Variants in SLC35F4 observed in about 807,000 individuals in gnomAD.
SLC35F4 encodes the protein solute carrier family 35 member F4.
SLC35F4 carries 24 observed loss-of-function variants against 44.2 expected under a neutral mutation model. That is an observed-to-expected ratio of 0.54 (90% CI 0.39 to 0.76). The LOEUF is 0.76. SLC35F4 is among the 30% of genes least tolerant of loss of function. The pLI is 0.00. For synonymous variants in SLC35F4, 238 were observed against 223.6 expected, an observed-to-expected ratio of 1.06 and a Z score of -0.57; for missense variants, 562 against 586.1, an observed-to-expected ratio of 0.96 and a Z score of 0.42.
chr14:57,866,019 GC>G lies in SLC35F4; in HGVS notation c.-195del. On this transcript the variant is annotated 5_prime_UTR_variant, in exon 1 of 8. Transcript: ENST00000556826. ...CGGCGGCGGCGGCGGCGGCGGAGCG[GC>G]CCCCACTCGGGCCGGCCTCTCCGTC... The G allele has an allele frequency of 6.0e-6, 2 of 332,248 alleles. No homozygotes were observed. The highest frequency in any genetic ancestry group is 5.3e-6 in the Non-Finnish European group (1 of 188,672). The allele number at this position is 332,248 out of a possible 1,614,324, so 20.6% of individuals were successfully genotyped here. A position where few individuals can be genotyped will look rare whatever the true frequency, so the allele number is the denominator to read the frequency against.
intron 1 of SLC35F4, among the ~76,000 whole-genome samples, chr14:57,674,935 C>T (rs774740594): frequency 6.6e-6 from 1 of 152,096 alleles, no homozygotes; most frequent in Non-Finnish European, 1.5e-5. Flanking sequence ...ATTCCAAAAC[C>T]GCTAGCTAAT....
At chr14:57,785,849 G>T (rs1024106885) in intron 1 of SLC35F4, among the ~76,000 whole-genome samples, 1 of 152,142 alleles carries the variant, frequency 6.6e-6, no homozygotes, top group Non-Finnish European at 1.5e-5. Flanking sequence ...GCAGGGGTAA[G>T]ACTCTGCAGG....
chr14:57,927,115 C>T (rs561755678), intron 1 of SLC35F4, among the ~76,000 whole-genome samples: 1 of 152,332 alleles, frequency 6.6e-6, no homozygotes, highest in Admixed American at 6.5e-5. Flanking sequence ...CCCACTGACA[C>T]TACATGAAGG....
At chr14:57,819,365 A>T (rs1882927229) in intron 1 of SLC35F4, among the ~76,000 whole-genome samples, 1 of 152,156 alleles carries the variant, frequency 6.6e-6, no homozygotes, top group African/African-American at 2.4e-5. Flanking sequence ...TTTAACAATA[A>T]GGAGAATCTC....
At chr14:57,741,380 T>C (rs2076603083) in intron 1 of SLC35F4, among the ~76,000 whole-genome samples, 1 of 152,002 alleles carries the variant, frequency 6.6e-6, no homozygotes, top group Non-Finnish European at 1.5e-5. Context: ...ATAAACAGCC[T>C]AGAGAAGACC....
chr14:57,660,705 G>A (rs992414384), intron 1 of SLC35F4, among the ~76,000 whole-genome samples: 1 of 152,102 alleles, frequency 6.6e-6, no homozygotes, highest in Non-Finnish European at 1.5e-5. Context: ...GGGGAAGCCA[G>A]CTGTCATATT....
chr14:57,862,865 G>A (rs1019832320), intron 1 of SLC35F4, among the ~76,000 whole-genome samples: 1 of 151,996 alleles, frequency 6.6e-6, no homozygotes, highest in Non-Finnish European at 1.5e-5. Flanking sequence ...TTATTGTCTT[G>A]TTTGCTCCCA....
intron 1 of SLC35F4, among the ~76,000 whole-genome samples, chr14:57,805,354 A>G (rs1881185531): frequency 6.6e-6 from 1 of 152,246 alleles, no homozygotes; most frequent in Non-Finnish European, 1.5e-5. Context: ...ACAACAGCAA[A>G]GACATGAAAT....
chr14:57,976,416 C>T (rs1432589253), downstream of SLC35F4, among the ~76,000 whole-genome samples: 1 of 152,180 alleles, frequency 6.6e-6, no homozygotes, highest in Non-Finnish European at 1.5e-5. Context: ...GATTTCCTGA[C>T]CTATGAAGTA....
intron 1 of SLC35F4, among the ~76,000 whole-genome samples, chr14:57,756,882 G>A (rs918583248): frequency 6.6e-6 from 1 of 151,522 alleles, no homozygotes; most frequent in Non-Finnish European, 1.5e-5. Context: ...AGCTGATCTC[G>A]AACTCCTGAG....
At chr14:57,826,863 T>C (rs1883827202) in intron 1 of SLC35F4, among the ~76,000 whole-genome samples, 1 of 152,152 alleles carries the variant, frequency 6.6e-6, no homozygotes, top group Admixed American at 6.6e-5. Flanking sequence ...AAACAAAAGA[T>C]TCTGGTGAGG....
At position 57,931,888 on chromosome 14, in the gene SLC35F4, C is replaced by G. The variant is rs146690698; in HGVS notation, n.282+50025G>C. On this transcript the variant is annotated intron_variant and non_coding_transcript_variant, in intron 1 of 1. Transcript: ENST00000556568. Reference sequence around the variant, plus strand: ...TCAGCATTAATATTCCCAGTCCCCCCATGTGGGCAAAACTCTTTAGATGAG... The same window carrying G: ...TCAGCATTAATATTCCCAGTCCCCCGATGTGGGCAAAACTCTTTAGATGAG... Among the ~76,000 whole-genome samples the G allele has an allele frequency of 2.7e-3, 407 of 152,332 alleles. 3 individuals are homozygous for G. Among genetic ancestry groups the G allele is most frequent in the Middle Eastern group, 6.8e-3 (2 of 294 alleles).
intron 1 of SLC35F4, among the ~76,000 whole-genome samples, chr14:57,697,896 A>G (rs929509683): frequency 6.6e-6 from 1 of 152,148 alleles, no homozygotes; most frequent in Non-Finnish European, 1.5e-5. Flanking sequence ...TTACTTTGTA[A>G]TCTACTTTTT....
chr14:57,659,627 G>A (rs2074074112), intron 1 of SLC35F4, among the ~76,000 whole-genome samples: 1 of 152,050 alleles, frequency 6.6e-6, no homozygotes, highest in South Asian at 2.1e-4. Context: ...AACAGAGTTA[G>A]GATTTAATCC....
At chr14:57,807,855 C>T (rs780237322) in intron 1 of SLC35F4, among the ~76,000 whole-genome samples, 29 of 151,788 alleles carry the variant, frequency 1.9e-4, no homozygotes, top group Non-Finnish European at 3.7e-4. Flanking sequence ...GAAAAAGTGG[C>T]TTAATAGATT....
Position 57,788,795 on chromosome 14 carries a change from C to T in SLC35F4, c.103+76928G>A, listed in dbSNP as rs533066439. Among the ~76,000 whole-genome samples, 6 of 151,772 alleles carry T rather than the reference C, an allele frequency of 4.0e-5. No individual in the cohort carries two copies. The South Asian group carries it at 1.2e-3, about 32-fold the overall frequency. On this transcript the variant is annotated intron_variant, in intron 1 of 7. Transcript: ENST00000556826. ...ACGCTCCTCGACAAATGCAAAAGAA[C>T]GGAAATCAAAACAGTCTGTCAGACC... is the stretch of plus-strand genomic sequence containing the variant.
intron 1 of SLC35F4, among the ~76,000 whole-genome samples, chr14:57,807,447 T>C (rs1431459424): frequency 1.3e-5 from 2 of 151,956 alleles, no homozygotes; most frequent in African/African-American, 4.9e-5. Flanking sequence ...TTTGGCCCCA[T>C]CTTTATGCTG....
Position 57,894,905 on chromosome 14 carries a change from TA to T in SLC35F4, n.282+87007del, listed in dbSNP as rs1318017713. Among the ~76,000 whole-genome samples the T allele has an allele frequency of 5.9e-5, 9 of 152,276 alleles. 1 individual carries two copies. The East Asian group carries it at 1.7e-3, about 29-fold the overall frequency. ...CATCATCAGCTAAAGAAAAGTGTCT[TA>T]TTATATAACTAAGGAGCTGGTGATT... On this transcript the variant is annotated intron_variant and non_coding_transcript_variant, in intron 1 of 1. Transcript: ENST00000556568.
At chr14:57,612,908 G>T (rs1439776791) in intron 1 of SLC35F4, among the ~76,000 whole-genome samples, 3 of 152,172 alleles carry the variant, frequency 2.0e-5, no homozygotes, top group Non-Finnish European at 4.4e-5. Flanking sequence ...TTGAGAAATT[G>T]GGTAATTAGC....
Sources: gnomAD v4.1 joint callset for allele counts (sites outside exome capture counted in the v4.1 genomes callset) on GRCh38, gnomAD v4.1.1 for gene constraint, MANE v1.5 for transcripts, NCBI Gene and HGNC (gene_info 2026-07-23, HGNC 2026-07-21) for gene names.